SYNDIG1: variants seen among roughly 807,000 people sequenced by gnomAD.
SYNDIG1 encodes synapse differentiation-inducing gene protein 1.
A neutral mutation model predicts 19.4 loss-of-function variants in SYNDIG1; 9 were observed. The ratio of observed to expected loss-of-function variants is 0.46; its 90% CI spans 0.28 to 0.81. The LOEUF (loss-of-function observed/expected upper bound fraction) is 0.81. Among genes scored for constraint, SYNDIG1 ranks in the 30% least tolerant of loss-of-function variants. The pLI, the probability that SYNDIG1 is intolerant of heterozygous loss-of-function variation, is 0.12. For missense variants in SYNDIG1, 311 were observed against 343.3 expected, an observed-to-expected ratio of 0.91 and a Z score of 0.74; for synonymous variants, 141 against 145.9, an observed-to-expected ratio of 0.97 and a Z score of 0.24.
chr20:24,500,200 T>C (rs998834713), intron 1 of SYNDIG1, among the ~76,000 whole-genome samples: 7 of 152,176 alleles, frequency 4.6e-5, no homozygotes, highest in African/African-American at 1.7e-4. Flanking sequence ...GATTTATGCA[T>C]GTATATCTCT....
rs544114264 is a variant in SYNDIG1, at chr20:24,596,080, G to C, written c.618+11087G>C. Among the ~76,000 whole-genome samples the C allele has an allele frequency of 2.0e-5, 3 of 152,182 alleles. No homozygotes were observed. In the East Asian group the frequency reaches 5.8e-4, roughly 29 times the overall value. On this transcript the variant is annotated intron_variant, in intron 3 of 3. Coordinates refer to ENST00000376862, the MANE Select transcript of SYNDIG1 (RefSeq NM_024893.3). ...TAACTTGGGATCTTTCTAACTTTTTGATGTGGGCATTTAGCACCATAAGCT... is the reference window on the plus strand; with the variant it reads ...TAACTTGGGATCTTTCTAACTTTTTCATGTGGGCATTTAGCACCATAAGCT...
intron 1 of SYNDIG1, among the ~76,000 whole-genome samples, chr20:24,477,185 C>T (rs1313122496): frequency 1.3e-5 from 2 of 152,186 alleles, no homozygotes; most frequent in Non-Finnish European, 2.9e-5. Context: ...GTTTGCATCC[C>T]TAATCTCAGC....
chr20:24,517,300 TA>T (rs200960543), intron 1 of SYNDIG1, among the ~76,000 whole-genome samples: 2,080 of 140,836 alleles, frequency 0.015, 40 homozygotes, highest in African/African-American at 0.042. Context: ...TAAAGTATAA[TA>T]AAAAAAAAAA....
chr20:24,507,534 C>T (rs6049745), intron 1 of SYNDIG1, among the ~76,000 whole-genome samples: 91,982 of 152,112 alleles, frequency 0.6, 28,180 homozygotes, highest in East Asian at 0.73. Context: ...TCCAGGAACC[C>T]AGCCCTTGCC....
chr20:24,489,036 G>A (rs902970551), intron 1 of SYNDIG1, among the ~76,000 whole-genome samples: 1 of 152,202 alleles, frequency 6.6e-6, no homozygotes, highest in Non-Finnish European at 1.5e-5. Flanking sequence ...AAGCTCCTGT[G>A]GAGGCTGAGA....
At chr20:24,517,785 T>G (rs1355568642) in intron 1 of SYNDIG1, among the ~76,000 whole-genome samples, 2 of 145,882 alleles carry the variant, frequency 1.4e-5, no homozygotes, top group Non-Finnish European at 3.0e-5. Context: ...ATACACACAT[T>G]TTTTTTGAAA....
At chr20:24,518,156 T>G (rs2056927227) in intron 1 of SYNDIG1, among the ~76,000 whole-genome samples, 1 of 151,886 alleles carries the variant, frequency 6.6e-6, no homozygotes, top group African/African-American at 2.4e-5. Flanking sequence ...CAAATGAAAT[T>G]GGTTGAATTT....
chr20:24,584,341 G>C lies in SYNDIG1; in HGVS notation c.481-515G>C, dbSNP rs73905118. Among the ~76,000 whole-genome samples the C allele has an allele frequency of 8.5e-3, 1,300 of 152,346 alleles. 17 individuals carry two copies. The highest frequency in any genetic ancestry group is 0.03 in the African/African-American group (1,228 of 41,584). On this transcript the variant is annotated intron_variant, in intron 2 of 3. Transcript: ENST00000376862. ...CGTCGATCCACATCAGCCTTGCCTTGTCCTTGTCCGCTAGTGAGAAGTCTC... is the reference window on the plus strand; with the variant it reads ...CGTCGATCCACATCAGCCTTGCCTTCTCCTTGTCCGCTAGTGAGAAGTCTC...
At chr20:24,641,706 G>A (rs1424065333) in intron 3 of SYNDIG1, among the ~76,000 whole-genome samples, 1 of 152,228 alleles carries the variant, frequency 6.6e-6, no homozygotes, top group Non-Finnish European at 1.5e-5. Context: ...CCAAAGCTGT[G>A]CCCTGCCCAC....
rs533803384 is a variant in SYNDIG1, at chr20:24,530,812, T to G, written c.-78-12208T>G. On this transcript the variant is annotated intron_variant, in intron 1 of 3. Coordinates refer to ENST00000376862, the MANE Select transcript of SYNDIG1 (RefSeq NM_024893.3). The stretch of plus-strand genomic sequence containing the variant: ...GTTTGTTTGTTTTTTGGGTTTTTTG[T>G]TTTTTTTTTTTTCGGAGACGGAGTC... Among the ~76,000 whole-genome samples the G allele has an allele frequency of 6.5e-3, 932 of 142,960 alleles. 13 individuals carry two copies. The highest frequency in any genetic ancestry group is 0.023 in the African/African-American group (892 of 38,910). The allele number at this position is 142,960 out of a possible 152,430, so 93.8% of individuals were successfully genotyped here.
chr20:24,656,456 C>G (rs1198402541), intron 3 of SYNDIG1, among the ~76,000 whole-genome samples: 2 of 152,200 alleles, frequency 1.3e-5, no homozygotes, highest in African/African-American at 4.8e-5. Context: ...CTGAGGAAAG[C>G]AGGCGTGCTG....
chr20:24,651,787 T>C (rs1280466078), intron 3 of SYNDIG1, among the ~76,000 whole-genome samples: 1 of 152,224 alleles, frequency 6.6e-6, no homozygotes, highest in Non-Finnish European at 1.5e-5. Context: ...CTGAGTCTCC[T>C]GTGGCTGATA....
chr20:24,640,520 A>T (rs398040665), intron 3 of SYNDIG1, among the ~76,000 whole-genome samples: 1 of 115,820 alleles, frequency 8.6e-6, no homozygotes, highest in East Asian at 3.3e-4. Context: ...GAAGGAAGGA[A>T]GGAAGGAAGG....
At chr20:24,599,681 A>G (rs1438112443) in intron 3 of SYNDIG1, among the ~76,000 whole-genome samples, 2 of 152,234 alleles carry the variant, frequency 1.3e-5, no homozygotes, top group Admixed American at 1.3e-4. Flanking sequence ...TGCCATTTTC[A>G]GCATCGTGGA....
At chr20:24,660,942 G>A (rs754440738) in intron 3 of SYNDIG1, among the ~76,000 whole-genome samples, 29 of 152,350 alleles carry the variant, frequency 1.9e-4, no homozygotes, top group African/African-American at 2.9e-4. Context: ...GGTAGGAACC[G>A]GCTGGTCACC....
intron 3 of SYNDIG1, among the ~76,000 whole-genome samples, chr20:24,608,153 A>T (rs982013099): frequency 2.0e-5 from 3 of 152,064 alleles, no homozygotes; most frequent in African/African-American, 7.2e-5. Flanking sequence ...CATGACAAAT[A>T]ATACAGAAAT....
chr20:24,506,580 A>G (rs892641613), intron 1 of SYNDIG1, among the ~76,000 whole-genome samples: 1 of 152,224 alleles, frequency 6.6e-6, no homozygotes, highest in African/African-American at 2.4e-5. Flanking sequence ...AAGGTCCACC[A>G]GAAAAGGTCC....
intron 2 of SYNDIG1, among the ~76,000 whole-genome samples, chr20:24,553,868 A>G (rs2057757838): frequency 6.6e-6 from 1 of 152,078 alleles, no homozygotes; most frequent in Non-Finnish European, 1.5e-5. Context: ...AGCTTGATGG[A>G]GATGCCATTG....
chr20:24,517,302 A>C, intron 1 of SYNDIG1, among the ~76,000 whole-genome samples: 1 of 143,910 alleles, frequency 6.9e-6, no homozygotes, highest in Non-Finnish European at 1.5e-5. Flanking sequence ...AAGTATAATA[A>C]AAAAAAAAAT....
Sources: allele counts gnomAD v4.1 joint callset (sites outside exome capture counted in the v4.1 genomes callset), GRCh38; gene constraint gnomAD v4.1.1; transcripts MANE v1.5; gene names NCBI Gene and HGNC (gene_info 2026-07-23, HGNC 2026-07-21).